Variants in C3orf70 observed in about 807,000 individuals in gnomAD.
C3orf70 encodes chromosome 3 open reading frame 70, also known as UPF0524 protein C3orf70.
A neutral mutation model predicts 20.7 loss-of-function variants in C3orf70; 15 were observed. That is an observed-to-expected ratio of 0.72 (90% confidence interval 0.48 to 1.11). C3orf70 has a LOEUF of 1.11. C3orf70 is among the 50% of genes most tolerant of loss of function. The probability of loss-of-function intolerance (pLI) is 0.00; values close to 1 mark genes in which losing one functional copy is unlikely to be tolerated. For synonymous variants in C3orf70, 161 were observed against 125.7 expected, an observed-to-expected ratio of 1.28 and a Z score of -1.88; for missense variants, 332 against 317.6, an observed-to-expected ratio of 1.05 and a Z score of -0.34.
chr3:185,085,173 CAT>C lies in C3orf70; in HGVS notation c.197-1612_197-1611del, dbSNP rs1230076607. Among the ~76,000 whole-genome samples the C allele has an allele frequency of 2.0e-4, 30 of 152,280 alleles. No homozygotes were observed. In the South Asian group the frequency reaches 2.5e-3, roughly 13 times the overall value. On this transcript the variant is annotated intron_variant, in intron 1 of 1. Coordinates refer to ENST00000335012, the MANE Select transcript of C3orf70 (RefSeq NM_001025266.3). ...AGCATCTTTTTGCAGGCGAATTACT[CAT>C]GTGTATGGTACTTGCTCCTGTTTAT...
chr3:185,151,211 T>A (rs1287068725), intron 1 of C3orf70, among the ~76,000 whole-genome samples: 1 of 152,216 alleles, frequency 6.6e-6, no homozygotes, highest in Non-Finnish European at 1.5e-5. Flanking sequence ...CTGAGAAAAC[T>A]GCAAGGTTCC....
intron 1 of C3orf70, among the ~76,000 whole-genome samples, chr3:185,120,645 A>G (rs1716277897): frequency 6.6e-6 from 1 of 151,974 alleles, no homozygotes; most frequent in South Asian, 2.1e-4. Context: ...ACTAATGATC[A>G]GGGAAATGCA....
intron 1 of C3orf70, among the ~76,000 whole-genome samples, chr3:185,097,693 C>G (rs966589528): frequency 6.6e-6 from 1 of 152,130 alleles, no homozygotes; most frequent in Non-Finnish European, 1.5e-5. Flanking sequence ...CTGGAATAAG[C>G]CCTTGAAGAG....
chr3:185,086,632 T>C (rs958214918), intron 1 of C3orf70, among the ~76,000 whole-genome samples: 1 of 152,220 alleles, frequency 6.6e-6, no homozygotes, highest in African/African-American at 2.4e-5. Context: ...CAGTCTGTGG[T>C]ATTTTATTAT....
At chr3:185,126,527 C>T (rs546829920) in intron 1 of C3orf70, among the ~76,000 whole-genome samples, 3 of 152,038 alleles carry the variant, frequency 2.0e-5, no homozygotes, top group South Asian at 2.1e-4. Context: ...GGAAGAAATA[C>T]GTGAGAAATA....
At chr3:185,091,634 T>C (rs1715571420) in intron 1 of C3orf70, among the ~76,000 whole-genome samples, 2 of 150,598 alleles carry the variant, frequency 1.3e-5, no homozygotes, top group Non-Finnish European at 2.9e-5. Flanking sequence ...ACAAAGACTG[T>C]AGAGTCAGAC....
At chr3:185,098,815 C>T (rs1414726930) in intron 1 of C3orf70, among the ~76,000 whole-genome samples, 2 of 152,124 alleles carry the variant, frequency 1.3e-5, no homozygotes, top group Non-Finnish European at 2.9e-5. Context: ...CCCATCCAAA[C>T]AGTTGAAGGC....
chr3:185,078,107 A>G lies in C3orf70; in HGVS notation c.*4900T>C, dbSNP rs1949042. 0.34 allele frequency: 52,288 copies of G among 152,518 alleles called. 9,535 individuals carry two copies. The highest frequency in any genetic ancestry group is 0.57 in the East Asian group (2,946 of 5,176). The allele number at this position is 152,518 out of a possible 1,614,324, so 9.4% of individuals were successfully genotyped here. On this transcript the variant is annotated 3_prime_UTR_variant, in exon 2 of 2. Transcript: ENST00000335012. Reference sequence around the variant, plus strand: ...ATTTTACAAGGCAGTTATTTTCCTAAAGTGTTACATATCAAGGAAAGTTGA... The same window carrying G: ...ATTTTACAAGGCAGTTATTTTCCTAGAGTGTTACATATCAAGGAAAGTTGA...
chr3:185,112,289 C>CA (rs547741925), intron 1 of C3orf70, among the ~76,000 whole-genome samples: 173 of 151,956 alleles, frequency 1.1e-3, no homozygotes, highest in African/African-American at 3.8e-3. Flanking sequence ...GATTCTGTAT[C>CA]AAAAAAAATA....
intron 1 of C3orf70, among the ~76,000 whole-genome samples, chr3:185,122,366 G>C (rs536871868): frequency 3.9e-5 from 6 of 152,222 alleles, no homozygotes; most frequent in African/African-American, 1.4e-4. Context: ...GATTCAACTG[G>C]GTTTGGATCA....
chr3:185,077,052 C>T lies in C3orf70; in HGVS notation c.*5955G>A, dbSNP rs115963805. 0.013 allele frequency among the ~76,000 whole-genome samples: 1,974 copies of T among 151,522 alleles called. 29 individuals are homozygous for T. The highest frequency in any genetic ancestry group is 0.021 in the Non-Finnish European group (1,398 of 67,950). On this transcript the variant is annotated 3_prime_UTR_variant, in exon 2 of 2. Transcript: ENST00000335012. ...GGCAGAGCTAGTCTTGAATGCTAGT[C>T]AAGAGGTGATTAAACATGGAAGAAG...
At chr3:185,125,399 C>T (rs977248684) in intron 1 of C3orf70, among the ~76,000 whole-genome samples, 1 of 111,564 alleles carries the variant, frequency 9.0e-6, no homozygotes, top group Non-Finnish European at 1.9e-5. Context: ...ACAACAACAA[C>T]AACAACAACA....
intron 1 of C3orf70, among the ~76,000 whole-genome samples, chr3:185,117,865 G>C (rs1404332388): frequency 6.6e-6 from 1 of 152,100 alleles, no homozygotes; most frequent in African/African-American, 2.4e-5. Flanking sequence ...TTTTCTAACA[G>C]TAAAAGTGAA....
chr3:185,089,319 C>T (rs1199152918), intron 1 of C3orf70, among the ~76,000 whole-genome samples: 2 of 151,784 alleles, frequency 1.3e-5, no homozygotes, highest in African/African-American at 4.8e-5. Flanking sequence ...GTATTGCTAC[C>T]TGTTACTATC....
chr3:185,095,850 C>T (rs1486971169), intron 1 of C3orf70, among the ~76,000 whole-genome samples: 4 of 151,394 alleles, frequency 2.6e-5, no homozygotes, highest in African/African-American at 9.7e-5. Context: ...AATTCCCCTA[C>T]CTCAGCCTCT....
At chr3:185,091,944 TATATATATATATATATATA>T (rs1561330897) in intron 1 of C3orf70, among the ~76,000 whole-genome samples, 36 of 5,094 alleles carry the variant, frequency 7.1e-3, no homozygotes, top group South Asian at 0.024. Context: ...TATATATATA[TATATATATATATATATATA>T]TTTTTTTTTT....
At chr3:185,094,072 G>A (rs959775260) in intron 1 of C3orf70, among the ~76,000 whole-genome samples, 12 of 118,732 alleles carry the variant, frequency 1.0e-4, no homozygotes, top group African/African-American at 4.1e-4. Flanking sequence ...TTATACCCTG[G>A]GGTTTTTTTT....
chr3:185,150,102 G>A (rs529431708), intron 1 of C3orf70, among the ~76,000 whole-genome samples: 49 of 152,092 alleles, frequency 3.2e-4, no homozygotes, highest in Non-Finnish European at 6.5e-4. Flanking sequence ...ATTTCAATAA[G>A]GTATTTGACC....
In C3orf70 at chr3:185,115,194, G is replaced by A. The variant is rs114283644; in HGVS notation, c.197-31631C>T. Among the ~76,000 whole-genome samples, 543 of 152,184 alleles carry A rather than the reference G, an allele frequency of 3.6e-3. 3 individuals are homozygous for A. Among genetic ancestry groups the A allele is most frequent in the African/African-American group, 0.012 (488 of 41,510 alleles). On this transcript the variant is annotated intron_variant, in intron 1 of 1. Coordinates refer to ENST00000335012, the MANE Select transcript of C3orf70 (RefSeq NM_001025266.3). Reference sequence around the variant, plus strand: ...TCAAGTGACTCCAATGTACAACCAAGACTGAGAGCCAATACACTAAATAAT... The same window carrying A: ...TCAAGTGACTCCAATGTACAACCAAAACTGAGAGCCAATACACTAAATAAT...
Sources: gnomAD v4.1 joint callset for allele counts (sites outside exome capture counted in the v4.1 genomes callset) on GRCh38, gnomAD v4.1.1 for gene constraint, MANE v1.5 for transcripts, NCBI Gene and HGNC (gene_info 2026-07-23, HGNC 2026-07-21) for gene names.